The following RIPOR3 variants were observed in gnomAD, a reference collection of about 807,000 sequenced individuals.
The protein encoded by RIPOR3 is RIPOR family member 3.
RIPOR3 carries 95 observed loss-of-function variants against 114.3 expected under a neutral mutation model. That is an observed-to-expected ratio of 0.83 (90% CI 0.70 to 0.99). The LOEUF is 0.99. Ranked by LOEUF, RIPOR3 falls within the 50% of genes least tolerant of loss-of-function variation. The pLI is 0.00. For missense variants in RIPOR3, 1,252 were observed against 1,266.9 expected (o/e 0.99, Z 0.18); for synonymous variants, 575 against 543.8 (o/e 1.06, Z -0.80).
At chr20:50,684,725 G>A in intron 1 of RIPOR3, among the ~76,000 whole-genome samples, 1 of 152,232 alleles carries the variant, frequency 6.6e-6, no homozygotes, top group East Asian at 1.9e-4. Flanking sequence ...AGGTGACAGA[G>A]CTGTCAGCTT....
At position 50,608,500 on chromosome 20, in the gene RIPOR3, A is replaced by C. The variant is rs1190286263; in HGVS notation, c.845T>G (p.Val282Gly). Reference sequence around the variant, plus strand: ...GGCGATGTCACACGTCACTGCACCCACAGCCAGCGAGCCCAGGCCCCGCAA... The same window carrying C: ...GGCGATGTCACACGTCACTGCACCCCCAGCCAGCGAGCCCAGGCCCCGCAA... ...TELRGLGSLA[V>G]GAVTCDIADF... The change falls in exon 11 of 22, where the codon GTG (valine) becomes GGG (glycine). Residue 282 changes from valine (V) to glycine (G), a missense_variant. Val to Gly is a moderately radical substitution (Grantham distance 109). Coordinates refer to ENST00000327979, the MANE Select transcript of RIPOR3 (RefSeq NM_001290268.2). 6.2e-7 allele frequency: 1 copy of C among 1,613,824 alleles called. No individual in the cohort carries two copies. The highest frequency in any genetic ancestry group is 1.3e-5 in the African/African-American group (1 of 74,988).
intron 1 of RIPOR3, among the ~76,000 whole-genome samples, chr20:50,637,332 C>T (rs1176263526): frequency 6.6e-6 from 1 of 152,086 alleles, no homozygotes; most frequent in Non-Finnish European, 1.5e-5. Flanking sequence ...CTCTGCCTGG[C>T]ACACGCCTCC....
In RIPOR3 at chr20:50,671,810, AGATG is replaced by A. The variant is rs1182300032; in HGVS notation, c.3+19312_3+19315del. 3.5e-4 allele frequency among the ~76,000 whole-genome samples: 52 copies of A among 150,380 alleles called. No homozygotes were observed. The East Asian group carries it at 4.9e-3, about 14-fold the overall frequency. On this transcript the variant is annotated intron_variant, in intron 1 of 21. Transcript: ENST00000327979. Reference sequence around the variant, plus strand: ...GGGATGGATGGATGGATGGATGGATAGATGGATGGATGGATGGATGAGTGGGTAG... The same window carrying A: ...GGGATGGATGGATGGATGGATGGATAGATGGATGGATGGATGAGTGGGTAG...
intron 15 of RIPOR3, among the ~76,000 whole-genome samples, 155 bp from the exon 16 acceptor site, chr20:50,595,659 T>C (rs140399557): frequency 6.6e-6 from 1 of 152,322 alleles, no homozygotes; most frequent in East Asian, 1.9e-4. Context: ...CCAAGGTGGC[T>C]GAGCTAATGG....
intron 1 of RIPOR3, among the ~76,000 whole-genome samples, chr20:50,685,401 G>T (rs1296132640): frequency 6.6e-6 from 1 of 151,054 alleles, no homozygotes; most frequent in African/African-American, 2.4e-5. Flanking sequence ...ATTTTTAGTA[G>T]AGACGGGGTT....
At chr20:50,685,112 G>A (rs2086970479) in intron 1 of RIPOR3, among the ~76,000 whole-genome samples, 1 of 152,024 alleles carries the variant, frequency 6.6e-6, no homozygotes, top group Non-Finnish European at 1.5e-5. Flanking sequence ...AGTGGGAGAG[G>A]CTGGGCTCTA....
chr20:50,652,590 C>CAAAAA (rs11470456), intron 1 of RIPOR3, among the ~76,000 whole-genome samples: 262 of 87,028 alleles, frequency 3.0e-3, no homozygotes, highest in Middle Eastern at 7.6e-3. Context: ...GATTCTGTCT[C>CAAAAA]AAAAAAAAAA....
chr20:50,643,745 G>A (rs1325319389), intron 1 of RIPOR3, among the ~76,000 whole-genome samples: 9 of 136,184 alleles, frequency 6.6e-5, no homozygotes, highest in Non-Finnish European at 1.4e-4. Context: ...TCACTCTGTC[G>A]CCCAGGCTGG....
intron 1 of RIPOR3, among the ~76,000 whole-genome samples, chr20:50,678,350 T>G (rs1230945076): frequency 5.3e-5 from 8 of 152,182 alleles, no homozygotes; most frequent in Non-Finnish European, 1.2e-4. Context: ...ACTCACCAGA[T>G]GGACACAGCA....
chr20:50,609,196 C>G, intron 8 of RIPOR3, 97 bp downstream of exon 8: 1 of 1,470,698 alleles, frequency 6.8e-7, no homozygotes, highest in Non-Finnish European at 9.3e-7. Flanking sequence ...CAGGGCTGGG[C>G]TCAGACCCCT....
rs531675137 is a variant in RIPOR3 at position 50,586,320 on chromosome 20, C to T, written c.*912G>A. ...CACTATTAACACAGACATCTCAGGACATGGTTTGCTTTTTTTTAAGACTTA... is the reference window on the plus strand; with the variant it reads ...CACTATTAACACAGACATCTCAGGATATGGTTTGCTTTTTTTTAAGACTTA... On this transcript the variant is annotated 3_prime_UTR_variant, in exon 22 of 22. Transcript: ENST00000327979. The T allele has an allele frequency of 4.6e-5, 7 of 152,430 alleles. No homozygotes were observed. The highest frequency in any genetic ancestry group is 3.9e-4 in the Admixed American group (6 of 15,310). The allele number at this position is 152,430 out of a possible 1,614,324, so 9.4% of individuals were successfully genotyped here.
At position 50,608,369 on chromosome 20, in the gene RIPOR3, C is replaced by G. The variant is rs758288212; in HGVS notation, c.956+20G>C. ...GCAGCCAGCCAGGCCTCCGCTCTCC[C>G]CAGGCTGGACGGGACTCACTTCCAC... is the stretch of plus-strand genomic sequence containing the variant. On this transcript the variant is annotated intron_variant, in intron 11 of 21. Transcript: ENST00000327979. 13 of 1,613,534 alleles carry G rather than the reference C, an allele frequency of 8.1e-6. No individual in the cohort carries two copies. The highest frequency in any genetic ancestry group is 1.7e-5 in the Admixed American group (1 of 59,982).
At chr20:50,683,454 C>CTTT (rs11392130) in intron 1 of RIPOR3, among the ~76,000 whole-genome samples, 2 of 145,652 alleles carry the variant, frequency 1.4e-5, no homozygotes, top group Non-Finnish European at 1.5e-5. Flanking sequence ...CTTACTTTTT[C>CTTT]TTTTTTTTTT....
At chr20:50,600,095 GT>G (rs1331943685) in intron 13 of RIPOR3, among the ~76,000 whole-genome samples, 2 of 152,120 alleles carry the variant, frequency 1.3e-5, no homozygotes, top group South Asian at 4.1e-4. Context: ...TAGAAACGGG[GT>G]TTTGCCATGT....
chr20:50,643,982 G>A (rs2085298687), intron 1 of RIPOR3, among the ~76,000 whole-genome samples: 1 of 151,688 alleles, frequency 6.6e-6, no homozygotes, highest in South Asian at 2.1e-4. Flanking sequence ...CAAGGTGCTG[G>A]GATTACAGGC....
chr20:50,639,854 C>A (rs1462434467), intron 1 of RIPOR3, among the ~76,000 whole-genome samples: 1 of 152,066 alleles, frequency 6.6e-6, no homozygotes. Context: ...GGGAGGGTCC[C>A]TGGACCTCAG....
intron 4 of RIPOR3, among the ~76,000 whole-genome samples, chr20:50,613,635 A>G (rs903999328): frequency 6.6e-6 from 1 of 152,180 alleles, no homozygotes; most frequent in Non-Finnish European, 1.5e-5. Flanking sequence ...CAGTGCGGTC[A>G]CTGTGCCCTG....
At chr20:50,688,890 G>A (rs376060187) in intron 1 of RIPOR3, among the ~76,000 whole-genome samples, 81 of 152,288 alleles carry the variant, frequency 5.3e-4, no homozygotes, top group African/African-American at 1.6e-3. Flanking sequence ...GACCCTGGGG[G>A]GAGCACTGAG....
At chr20:50,649,485 A>G (rs955844806) in intron 1 of RIPOR3, among the ~76,000 whole-genome samples, 5 of 152,090 alleles carry the variant, frequency 3.3e-5, no homozygotes, top group Non-Finnish European at 7.4e-5. Flanking sequence ...TGCCTGGCAC[A>G]CTCAGAGGTG....
Sources: allele counts gnomAD v4.1 joint callset (sites outside exome capture counted in the v4.1 genomes callset), GRCh38; gene constraint gnomAD v4.1.1; transcripts MANE v1.5; gene names NCBI Gene and HGNC (gene_info 2026-07-23, HGNC 2026-07-21).